PTPRG: variants seen among roughly 807,000 people sequenced by gnomAD.
PTPRG encodes the protein protein tyrosine phosphatase receptor type G.
Under a neutral mutation model 165.3 loss-of-function variants are expected in PTPRG, and 102 were observed. The ratio of observed to expected loss-of-function variants is 0.62; its 90% CI spans 0.53 to 0.73. The LOEUF (loss-of-function observed/expected upper bound fraction) is 0.73, where lower values mean the gene tolerates loss of function less well. Ranked by LOEUF, PTPRG falls within the 30% of genes least tolerant of loss-of-function variation. The pLI is 0.00. For missense variants in PTPRG, 1,866 were observed against 1,861.4 expected (o/e 1.00, Z -0.05); for synonymous variants, 675 against 669.5 (o/e 1.01, Z -0.13).
intron 19 of PTPRG, 92 bp from the exon 20 acceptor site, chr3:62,268,943 C>T (rs1701972424): frequency 1.5e-6 from 2 of 1,338,070 alleles, no homozygotes; most frequent in African/African-American, 1.5e-5. Flanking sequence ...GGCAATCTCA[C>T]CTGTGTTTTA....
chr3:62,032,626 C>G (rs1286738749), intron 4 of PTPRG, among the ~76,000 whole-genome samples: 1 of 152,020 alleles, frequency 6.6e-6, no homozygotes, highest in Admixed American at 6.6e-5. Context: ...GGATTTACTC[C>G]TGAGTTATAA....
At chr3:62,128,035 C>T (rs1252779250) in intron 5 of PTPRG, among the ~76,000 whole-genome samples, 1 of 152,124 alleles carries the variant, frequency 6.6e-6, no homozygotes, top group Non-Finnish European at 1.5e-5. Flanking sequence ...ACCTAGGTTT[C>T]ATGGTTTTTC....
At chr3:61,842,002 C>T (rs1380414218) in intron 2 of PTPRG, among the ~76,000 whole-genome samples, 1 of 152,186 alleles carries the variant, frequency 6.6e-6, no homozygotes, top group Non-Finnish European at 1.5e-5. Context: ...TGTTGTGACA[C>T]AGCAACCCTG....
intron 1 of PTPRG, among the ~76,000 whole-genome samples, chr3:61,681,773 C>G (rs778924665): frequency 6.6e-6 from 1 of 152,030 alleles, no homozygotes; most frequent in Non-Finnish European, 1.5e-5. Context: ...CTTTTTTAAG[C>G]TCCTGAATTT....
chr3:61,742,725 T>G, intron 1 of PTPRG: 4 of 1,609,660 alleles, frequency 2.5e-6, no homozygotes, highest in Non-Finnish European at 3.4e-6. Flanking sequence ...CTGCCTTATT[T>G]AGACCTGGGC....
rs558606837 is a variant in PTPRG at position 62,081,248 on chromosome 3, C to T, written c.615+2990C>T. ...CACCAGCCTGGGCGACAGAGTGAGA[C>T]TCCGTCTCAAAACAAACAAACAAAC... On this transcript the variant is annotated intron_variant, in intron 5 of 29. Transcript: ENST00000474889. Among the ~76,000 whole-genome samples the T allele has an allele frequency of 9.7e-4, 124 of 127,426 alleles. 2 individuals carry two copies. The highest frequency in any genetic ancestry group is 1.0e-3 in the Non-Finnish European group (62 of 60,068). The allele number at this position is 127,426 out of a possible 152,430, so 83.6% of individuals were successfully genotyped here.
intron 1 of PTPRG, among the ~76,000 whole-genome samples, chr3:61,588,381 A>AT (rs1295767197): frequency 0.023 from 3,338 of 146,596 alleles, 103 homozygotes; most frequent in African/African-American, 0.07. Context: ...TTTAAGGATA[A>AT]TTTTTTTTTT....
chr3:62,265,896 T>TACACATAC (rs1553662686), intron 17 of PTPRG, among the ~76,000 whole-genome samples: 3 of 130,528 alleles, frequency 2.3e-5, no homozygotes, highest in African/African-American at 5.8e-5. Flanking sequence ...GTGCCTTATA[T>TACACATAC]ACACACACAC....
At chr3:61,680,100 A>G (rs1000148864) in intron 1 of PTPRG, among the ~76,000 whole-genome samples, 2 of 152,220 alleles carry the variant, frequency 1.3e-5, no homozygotes. Flanking sequence ...GCCAGAACAG[A>G]ACAAAGACGT....
chr3:61,803,310 G>C (rs751208042), intron 2 of PTPRG, among the ~76,000 whole-genome samples: 1 of 151,978 alleles, frequency 6.6e-6, no homozygotes, highest in African/African-American at 2.4e-5. Flanking sequence ...ACCTGCAATC[G>C]ATAAAAAAAA....
intron 2 of PTPRG, among the ~76,000 whole-genome samples, chr3:61,845,007 GGCACATAC>G (rs1337976184): frequency 1.3e-5 from 2 of 152,136 alleles, no homozygotes; most frequent in African/African-American, 4.8e-5. Flanking sequence ...TACAGTGCTT[GGCACATAC>G]GTGCTAAATA....
chr3:62,272,049 C>A lies in PTPRG; in HGVS notation c.3182+494C>A, dbSNP rs1310248604. On this transcript the variant is annotated intron_variant, in intron 21 of 29. Transcript: ENST00000474889. Reference sequence around the variant, plus strand: ...GGTCAAGGCTGCAGTGGGCTGTGTTCACATAACTGCACTCCAGCCTGGGTG... The same window carrying A: ...GGTCAAGGCTGCAGTGGGCTGTGTTAACATAACTGCACTCCAGCCTGGGTG... Among the ~76,000 whole-genome samples, 4 of 151,776 alleles carry A rather than the reference C, an allele frequency of 2.6e-5. No individual in the cohort carries two copies. The East Asian group carries it at 7.7e-4, about 29-fold the overall frequency.
At chr3:61,679,283 A>T (rs1286813591) in intron 1 of PTPRG, among the ~76,000 whole-genome samples, 1 of 152,188 alleles carries the variant, frequency 6.6e-6, no homozygotes, top group Non-Finnish European at 1.5e-5. Flanking sequence ...TTCATTATAA[A>T]AGGAGATCTT....
intron 1 of PTPRG, among the ~76,000 whole-genome samples, chr3:61,614,687 C>T (rs1464647184): frequency 6.6e-6 from 1 of 152,200 alleles, no homozygotes; most frequent in Non-Finnish European, 1.5e-5. Flanking sequence ...GCTGGGATTA[C>T]AGGCGTGAGC....
chr3:61,773,469 T>C (rs1229606069), intron 2 of PTPRG, among the ~76,000 whole-genome samples: 1 of 152,184 alleles, frequency 6.6e-6, no homozygotes, highest in Non-Finnish European at 1.5e-5. Context: ...GGAAGATCGA[T>C]ACATGTGGCC....
intron 6 of PTPRG, among the ~76,000 whole-genome samples, chr3:62,153,676 C>T (rs747433630): frequency 3.3e-5 from 5 of 152,174 alleles, no homozygotes; most frequent in Non-Finnish European, 7.3e-5. Flanking sequence ...ATATCTATCA[C>T]GTATGAGATG....
chr3:62,207,545 T>C (rs1370328415), intron 12 of PTPRG, among the ~76,000 whole-genome samples: 5 of 152,272 alleles, frequency 3.3e-5, no homozygotes, highest in Admixed American at 2.0e-4. Context: ...TGTGTACATT[T>C]GCTTTAAATC....
chr3:61,644,353 G>GGGGGTGGCCC (rs1702144979), intron 1 of PTPRG, among the ~76,000 whole-genome samples: 1 of 152,194 alleles, frequency 6.6e-6, no homozygotes, highest in South Asian at 2.1e-4. Context: ...TTTCCAAAGA[G>GGGGGTGGCCC]GGGGTGGCCT....
At chr3:62,130,706 A>G (rs1262413203) in intron 5 of PTPRG, among the ~76,000 whole-genome samples, 2 of 152,162 alleles carry the variant, frequency 1.3e-5, no homozygotes, top group African/African-American at 4.8e-5. Flanking sequence ...CCTGAGCTGT[A>G]ATTCCATTTT....
Sources: allele counts gnomAD v4.1 joint callset (sites outside exome capture counted in the v4.1 genomes callset), GRCh38; gene constraint gnomAD v4.1.1; transcripts MANE v1.5; gene names NCBI Gene and HGNC (gene_info 2026-07-23, HGNC 2026-07-21).